Variants in LRRIQ3 observed in about 807,000 individuals in gnomAD.
The protein encoded by LRRIQ3 is leucine rich repeats and IQ motif containing 3.
Under a neutral mutation model 59.3 loss-of-function variants are expected in LRRIQ3, and 75 were observed. The ratio of observed to expected loss-of-function variants is 1.26; its 90% CI spans 1.05 to 1.53. LRRIQ3 has a LOEUF of 1.53. LRRIQ3 is among the 40% of genes most tolerant of loss of function. LRRIQ3 has a pLI of 0.00. For synonymous variants in LRRIQ3, 250 were observed against 231.3 expected (o/e 1.08, Z -0.73); for missense variants, 831 against 710.0 (o/e 1.17, Z -1.94).
intron 6 of LRRIQ3, among the ~76,000 whole-genome samples, chr1:74,044,843 A>C (rs1654154103): frequency 6.6e-6 from 1 of 152,198 alleles, no homozygotes; most frequent in Non-Finnish European, 1.5e-5. Flanking sequence ...CCTCTATGCA[A>C]ATAAACTAGA....
At chr1:74,051,121 C>T (rs539957552) in intron 6 of LRRIQ3, among the ~76,000 whole-genome samples, 1 of 152,238 alleles carries the variant, frequency 6.6e-6, no homozygotes, top group African/African-American at 2.4e-5. Flanking sequence ...GAAAATTAGA[C>T]ATTCTGTAAA....
chr1:74,051,844 T>C (rs1019352050), intron 6 of LRRIQ3, among the ~76,000 whole-genome samples: 3 of 152,170 alleles, frequency 2.0e-5, no homozygotes, highest in Admixed American at 2.0e-4. Context: ...TTATACAGTT[T>C]GCCTTCGCCA....
chr1:74,134,115 A>G lies in LRRIQ3; in HGVS notation c.707+21618T>C, dbSNP rs539491010. On this transcript the variant is annotated intron_variant, in intron 4 of 7. Coordinates refer to ENST00000354431, the MANE Select transcript of LRRIQ3 (RefSeq NM_001105659.2). ...ATCTTCAAAAATTATTTCTTAAAAT[A>G]TAGAGGTCTTCTGTAATGGCTGAGT... Among the ~76,000 whole-genome samples, 13 of 152,174 alleles carry G rather than the reference A, an allele frequency of 8.5e-5. No homozygotes were observed. In the East Asian group the frequency reaches 2.5e-3, roughly 29 times the overall value.
intron 4 of LRRIQ3, among the ~76,000 whole-genome samples, chr1:74,120,776 G>C (rs1646844010): frequency 6.6e-6 from 1 of 151,944 alleles, no homozygotes; most frequent in Non-Finnish European, 1.5e-5. Context: ...ATTAGAAAGA[G>C]TGTTAATTTT....
chr1:74,171,747 T>C (rs951597404), intron 3 of LRRIQ3, among the ~76,000 whole-genome samples: 4 of 152,184 alleles, frequency 2.6e-5, no homozygotes, highest in Non-Finnish European at 5.9e-5. Context: ...TATAAAGCCA[T>C]CTGACCCTGG....
intron 5 of LRRIQ3, among the ~76,000 whole-genome samples, chr1:74,100,868 G>T (rs1457238968): frequency 6.6e-6 from 1 of 152,160 alleles, no homozygotes; most frequent in Non-Finnish European, 1.5e-5. Context: ...GTAGAAAGCT[G>T]AAACTGGATG....
chr1:74,098,844 C>A (rs1436115395), intron 5 of LRRIQ3, among the ~76,000 whole-genome samples: 2 of 152,120 alleles, frequency 1.3e-5, no homozygotes, highest in Non-Finnish European at 2.9e-5. Flanking sequence ...TAAAGATGTT[C>A]TTTGAAACCA....
At chr1:74,195,633 T>G (rs924981085) in intron 1 of LRRIQ3, among the ~76,000 whole-genome samples, 2 of 152,180 alleles carry the variant, frequency 1.3e-5, no homozygotes, top group Non-Finnish European at 2.9e-5. Context: ...AAAGCCCAAA[T>G]GCCTCCACAG....
At chr1:74,183,320 T>C (rs80066881) in intron 2 of LRRIQ3, 116 bp downstream of exon 2, 2 of 909,914 alleles carry the variant, frequency 2.2e-6, no homozygotes, top group Non-Finnish European at 3.2e-6. Context: ...TAAATTTTTG[T>C]TTATATTTTA....
chr1:74,133,190 A>G (rs1355457812), intron 4 of LRRIQ3, among the ~76,000 whole-genome samples: 2 of 152,132 alleles, frequency 1.3e-5, no homozygotes, highest in Non-Finnish European at 2.9e-5. Flanking sequence ...TAGAATGGCA[A>G]TCATTAAAAA....
At chr1:74,122,970 T>G (rs1459235688) in intron 4 of LRRIQ3, among the ~76,000 whole-genome samples, 3 of 152,060 alleles carry the variant, frequency 2.0e-5, no homozygotes, top group Non-Finnish European at 4.4e-5. Flanking sequence ...AATGAACTTC[T>G]CGTTACTTTT....
intron 7 of LRRIQ3, among the ~76,000 whole-genome samples, chr1:74,030,098 C>T (rs1221333501): frequency 6.6e-6 from 1 of 152,016 alleles, no homozygotes; most frequent in Non-Finnish European, 1.5e-5. Flanking sequence ...GAACTACAAA[C>T]CACTGCTCAA....
chr1:74,076,471 G>A (rs905679859), intron 5 of LRRIQ3, among the ~76,000 whole-genome samples: 2 of 152,060 alleles, frequency 1.3e-5, no homozygotes, highest in African/African-American at 4.8e-5. Context: ...CCTAGTTTCA[G>A]TGAATGGCAC....
At chr1:74,076,666 C>T (rs1377120364) in intron 5 of LRRIQ3, among the ~76,000 whole-genome samples, 2 of 151,958 alleles carry the variant, frequency 1.3e-5, no homozygotes, top group African/African-American at 4.8e-5. Context: ...CCTGTATTTA[C>T]AATTTTCTTA....
chr1:74,093,154 C>A (rs1646412478), intron 5 of LRRIQ3, among the ~76,000 whole-genome samples: 1 of 151,750 alleles, frequency 6.6e-6, no homozygotes, highest in Admixed American at 6.6e-5. Flanking sequence ...CCTAAAAATA[C>A]CTGTGGTTCT....
chr1:74,088,331 C>A (rs1646353828), intron 5 of LRRIQ3, among the ~76,000 whole-genome samples: 1 of 152,024 alleles, frequency 6.6e-6, no homozygotes, highest in South Asian at 2.1e-4. Flanking sequence ...AAAATGCTTA[C>A]ATTTTAGGAT....
chr1:74,126,739 A>C (rs901131800), intron 4 of LRRIQ3, among the ~76,000 whole-genome samples: 31 of 151,946 alleles, frequency 2.0e-4, no homozygotes, highest in Non-Finnish European at 7.4e-5. Context: ...ATTATTAAAA[A>C]AATTTTAAGA....
intron 1 of LRRIQ3, among the ~76,000 whole-genome samples, chr1:74,191,474 C>A (rs1207058797): frequency 2.0e-5 from 3 of 152,000 alleles, no homozygotes; most frequent in African/African-American, 7.2e-5. Flanking sequence ...CATCCAACAA[C>A]AACAGAATAT....
In LRRIQ3 at chr1:74,136,398, A is replaced by G. The variant is rs1054590660; in HGVS notation, c.707+19335T>C. On this transcript the variant is annotated intron_variant, in intron 4 of 7. Coordinates refer to ENST00000354431, the MANE Select transcript of LRRIQ3 (RefSeq NM_001105659.2). ...TTCTGTAAGACCACAGTGTTCCGCC[A>G]TCATTCCAGATGGTGGCTACACAGA... Among the ~76,000 whole-genome samples, 3 of 152,126 alleles carry G rather than the reference A, an allele frequency of 2.0e-5. No homozygotes were observed. In the South Asian group the frequency reaches 6.2e-4, roughly 31 times the overall value.
Sources: allele counts gnomAD v4.1 joint callset (sites outside exome capture counted in the v4.1 genomes callset), GRCh38; gene constraint gnomAD v4.1.1; transcripts MANE v1.5; gene names NCBI Gene and HGNC (gene_info 2026-07-23, HGNC 2026-07-21).